Variants in FAM20A observed in about 807,000 individuals in gnomAD.
FAM20A encodes the protein FAM20A golgi associated secretory pathway pseudokinase, also known as pseudokinase FAM20A.
In FAM20A, 42 loss-of-function variants were observed where a neutral mutation model predicts 52.0. That is an observed-to-expected ratio of 0.81 (90% CI 0.63 to 1.04). The LOEUF (loss-of-function observed/expected upper bound fraction) is 1.04. Among genes scored for constraint, FAM20A ranks in the 50% least tolerant of loss-of-function variants. FAM20A has a pLI of 0.00. For synonymous variants in FAM20A, 304 were observed against 298.9 expected (o/e 1.02, Z -0.18); for missense variants, 742 against 712.7 (o/e 1.04, Z -0.47).
intron 3 of FAM20A, 119 bp downstream of exon 3, chr17:68,554,658 G>C (rs2087002005): frequency 1.0e-6 from 1 of 956,496 alleles, no homozygotes; most frequent in African/African-American, 1.6e-5. Context: ...GTTCTCAGAG[G>C]TTAGGCAGAG....
intron 6 of FAM20A, 121 bp downstream of exon 6, chr17:68,542,573 C>A (rs78241877): frequency 2.5e-6 from 2 of 789,628 alleles, no homozygotes; most frequent in Non-Finnish European, 2.2e-6. Flanking sequence ...CAACTTCATA[C>A]GCCCATCCCA....
At chr17:68,552,519 C>T (rs956200501) in intron 3 of FAM20A, among the ~76,000 whole-genome samples, 1 of 152,090 alleles carries the variant, frequency 6.6e-6, no homozygotes, top group Non-Finnish European at 1.5e-5. Flanking sequence ...TTAAATTTTG[C>T]ATCCTGGGCA....
At chr17:68,558,869 C>T (rs958845406) in intron 1 of FAM20A, among the ~76,000 whole-genome samples, 1 of 152,154 alleles carries the variant, frequency 6.6e-6, no homozygotes, top group Admixed American at 6.5e-5. Context: ...AGCGATTCTC[C>T]TGCCTCAGCC....
chr17:68,551,893 C>T lies in FAM20A; in HGVS notation c.699G>A (p.Lys233=), dbSNP rs1261967361. Residue 233 remains lysine (K), a synonymous_variant, in exon 4 of 11, where the codon AAG becomes AAA. Transcript: ENST00000592554. ...KLVLRFSDFG[K]AMFKPMRQQR... ...CTTACCTCATGGGTTTGAACATGGC[C>T]TTCCCGAAATCCGAGAACCTCAGCA... 1.3e-6 allele frequency: 2 copies of T among 1,587,018 alleles called. No individual in the cohort carries two copies. Among genetic ancestry groups the T allele is most frequent in the Non-Finnish European group, 1.7e-6 (2 of 1,164,814 alleles).
At chr17:68,581,492 CTT>C (rs1329850793) in intron 1 of FAM20A, among the ~76,000 whole-genome samples, 2 of 80,950 alleles carry the variant, frequency 2.5e-5, no homozygotes, top group South Asian at 3.9e-4. Context: ...CTTTCTTTTT[CTT>C]TCTTTCTTCT....
At position 68,539,355 on chromosome 17, in the gene FAM20A, G is replaced by A. The variant is rs778825847; in HGVS notation, c.1343C>T (p.Pro448Leu). 5.6e-6 allele frequency: 9 copies of A among 1,614,204 alleles called. No individual in the cohort carries two copies. In the Admixed American group the frequency reaches 1.5e-4, roughly 27 times the overall value. Reference sequence around the variant, plus strand: ...AACTTACATGCAGCACTGGGAGAGAGGCGAGAGGATGGAGATTTCATCATG... The same window carrying A: ...AACTTACATGCAGCACTGGGAGAGAAGCGAGAGGATGGAGATTTCATCATG... ...HSHDEISILS[P>L]LSQCCMIKKK... The change falls in exon 10 of 11, where the codon CCT (proline) becomes CTT (leucine). Residue 448 changes from proline to leucine, a missense_variant. By Grantham distance (98) the Pro-to-Leu change is moderately conservative. Transcript: ENST00000592554.
intron 1 of FAM20A, among the ~76,000 whole-genome samples, chr17:68,572,953 C>T (rs2087606962): frequency 6.6e-6 from 1 of 152,164 alleles, no homozygotes; most frequent in Non-Finnish European, 1.5e-5. Context: ...TGCTAGACCC[C>T]AAAGTGAGCT....
At chr17:68,538,384 A>C (rs868221993) in intron 10 of FAM20A, among the ~76,000 whole-genome samples, 6 of 152,370 alleles carry the variant, frequency 3.9e-5, no homozygotes, top group Middle Eastern at 3.4e-3. Flanking sequence ...AATTAACCTA[A>C]GACATAGATG....
At position 68,541,985 on chromosome 17, in the gene FAM20A, T is replaced by G. The variant is rs997385193; in HGVS notation, c.1109A>C (p.Glu370Ala). 4.3e-6 allele frequency: 7 copies of G among 1,612,840 alleles called. No individual in the cohort carries two copies. The African/African-American group carries it at 9.3e-5, about 22-fold the overall frequency. ...CTGTGTGGCCTGGGGACCAACTCAC[T>G]CCTCTTTTCCTGCCAGTGTGTAGGA... The part of the protein sequence containing the change: ...IRSYTLAGKE[E>A]WEVNPLYCDT... Residue 370 changes from glutamate (E) to alanine (A), a missense_variant and splice_region_variant, in exon 7 of 11, where the codon GAG becomes GCG. Physicochemically the swap from Glu to Ala is moderately radical, Grantham distance 107. Coordinates refer to ENST00000592554, the MANE Select transcript of FAM20A (RefSeq NM_017565.4).
intron 7 of FAM20A, 128 bp downstream of exon 7, chr17:68,541,857 T>C (rs2086312161): frequency 1.8e-6 from 2 of 1,140,566 alleles, no homozygotes; most frequent in African/African-American, 3.1e-5. Flanking sequence ...CCAGGATCAA[T>C]ATGAAATGGG....
intron 1 of FAM20A, among the ~76,000 whole-genome samples, chr17:68,559,350 G>A (rs1448674338): frequency 6.6e-6 from 1 of 152,174 alleles, no homozygotes. Flanking sequence ...CCATGCCATA[G>A]TATTGCCTTC....
In FAM20A at chr17:68,535,601, AG is replaced by A. The variant is rs1356567139; in HGVS notation, c.*1875del. On this transcript the variant is annotated 3_prime_UTR_variant, in exon 11 of 11. Coordinates refer to ENST00000592554, the MANE Select transcript of FAM20A (RefSeq NM_017565.4). ...GAAGTGGGGAGCCCTATGCTGCAGT[AG>A]GGCCACAACAGTTAAGGAAATCTTT... The A allele has an allele frequency of 6.6e-6, 3 of 453,990 alleles. No individual in the cohort carries two copies. Among genetic ancestry groups the A allele is most frequent in the Non-Finnish European group, 1.3e-5 (3 of 226,790 alleles). The allele number at this position is 453,990 out of a possible 1,614,324, so 28.1% of individuals were successfully genotyped here. A position where few individuals can be genotyped will look rare whatever the true frequency, so the allele number is the denominator to read the frequency against.
intron 4 of FAM20A, among the ~76,000 whole-genome samples, chr17:68,546,862 AAGTT>A (rs1424129805): frequency 6.6e-6 from 1 of 151,734 alleles, no homozygotes; most frequent in Non-Finnish European, 1.5e-5. Context: ...TAAGACTTGA[AAGTT>A]AGAATGACTC....
chr17:68,562,220 G>T (rs2087234635), intron 1 of FAM20A, among the ~76,000 whole-genome samples: 1 of 152,234 alleles, frequency 6.6e-6, no homozygotes, highest in African/African-American at 2.4e-5. Flanking sequence ...AACTGTGCAA[G>T]AAAATATGTT....
chr17:68,548,529 C>CAA (rs985971024), intron 4 of FAM20A, among the ~76,000 whole-genome samples: 96 of 140,488 alleles, frequency 6.8e-4, no homozygotes, highest in African/African-American at 2.3e-3. Context: ...GACTCTGTCT[C>CAA]AAAAAAAAAA....
rs1283809941 is a variant in FAM20A, at chr17:68,535,617, AGGAAATCTTTG to A, written c.*1849_*1859del. 1 of 453,986 alleles carries A rather than the reference AGGAAATCTTTG, an allele frequency of 2.2e-6. No homozygotes were observed. The highest frequency in any genetic ancestry group is 2.3e-5 in the Admixed American group (1 of 42,558). 28.1% of individuals were successfully genotyped at this position (453,986 alleles called of 1,614,324 possible). On this transcript the variant is annotated 3_prime_UTR_variant, in exon 11 of 11. Coordinates refer to ENST00000592554, the MANE Select transcript of FAM20A (RefSeq NM_017565.4). ...TGCTGCAGTAGGGCCACAACAGTTA[AGGAAATCTTTG>A]GGATTAAGGTTTCTCTGTTAAAGAG...
intron 1 of FAM20A, among the ~76,000 whole-genome samples, chr17:68,588,565 G>A (rs2088221442): frequency 6.6e-6 from 1 of 152,252 alleles, no homozygotes; most frequent in South Asian, 2.1e-4. Flanking sequence ...TGTCAGCAGG[G>A]TTGATTTCAT....
intron 8 of FAM20A, 177 bp downstream of exon 8, chr17:68,540,670 AAG>A (rs2086245763): frequency 2.6e-6 from 2 of 783,448 alleles, no homozygotes; most frequent in East Asian, 2.8e-5. Context: ...CAGTTCTTTG[AAG>A]AGAGGGGAGC....
intron 1 of FAM20A, among the ~76,000 whole-genome samples, chr17:68,598,536 T>G (rs967212306): frequency 3.9e-5 from 6 of 152,158 alleles, no homozygotes; most frequent in South Asian, 2.1e-4. Flanking sequence ...CTGAATATAG[T>G]AAGGTCACCA....
Sources: allele counts gnomAD v4.1 joint callset (sites outside exome capture counted in the v4.1 genomes callset), GRCh38; gene constraint gnomAD v4.1.1; transcripts MANE v1.5; gene names NCBI Gene and HGNC (gene_info 2026-07-23, HGNC 2026-07-21).